Variants in FZD3 observed in about 807,000 individuals in gnomAD.
FZD3 encodes frizzled-3.
A neutral mutation model predicts 60.7 loss-of-function variants in FZD3; 30 were observed. The ratio of observed to expected loss-of-function variants is 0.49; its 90% CI spans 0.37 to 0.67. FZD3 has a LOEUF of 0.67. FZD3 is among the 30% of genes least tolerant of loss of function. The probability of loss-of-function intolerance (pLI) is 0.00; values close to 1 mark genes in which losing one functional copy is unlikely to be tolerated. For missense variants in FZD3, 605 were observed against 838.7 expected (o/e 0.72, Z 3.44); for synonymous variants, 246 against 275.2 (o/e 0.89, Z 1.05).
intron 5 of FZD3, among the ~76,000 whole-genome samples, chr8:28,544,859 C>G (rs1805258505): frequency 6.6e-6 from 1 of 152,092 alleles, no homozygotes; most frequent in Non-Finnish European, 1.5e-5. Context: ...GTTATGGAGG[C>G]TAAGAAGTCC....
intron 6 of FZD3, among the ~76,000 whole-genome samples, chr8:28,553,842 T>C (rs1379288781): frequency 1.3e-5 from 2 of 152,238 alleles, no homozygotes; most frequent in Non-Finnish European, 2.9e-5. Context: ...TACTAATTTA[T>C]TGGGCACATT....
rs1414371180 is a variant in FZD3 at position 28,565,445 on chromosome 8, A to C, written c.*2434A>C. 1.3e-5 allele frequency: 2 copies of C among 152,226 alleles called. No individual in the cohort carries two copies. The highest frequency in any genetic ancestry group is 3.8e-4 in the East Asian group (2 of 5,204). The allele number at this position is 152,226 out of a possible 1,614,324, so 9.4% of individuals were successfully genotyped here. On this transcript the variant is annotated 3_prime_UTR_variant, in exon 8 of 8. Coordinates refer to ENST00000240093, the MANE Select transcript of FZD3 (RefSeq NM_017412.4). ...TGAGAGAACTAAAACAAACATTCAC[A>C]AACAAAAATAAGTTAAAATAGAAGG... is the stretch of plus-strand genomic sequence containing the variant.
intron 7 of FZD3, among the ~76,000 whole-genome samples, chr8:28,557,300 TG>T (rs1805529109): frequency 6.6e-6 from 1 of 151,838 alleles, no homozygotes; most frequent in Admixed American, 6.6e-5. Flanking sequence ...AAATATTTTT[TG>T]GGGTGTTTTT....
Position 28,522,150 on chromosome 8 carries a change from G to T in FZD3, c.386+1316G>T, listed in dbSNP as rs181924011. On this transcript the variant is annotated intron_variant, in intron 4 of 7. Coordinates refer to ENST00000240093, the MANE Select transcript of FZD3 (RefSeq NM_017412.4). ...GATGGAATCTCACTGTGTCCCCTAGGGTGGAGTGCAGTGGCATGATCTTGG... is the reference window on the plus strand; with the variant it reads ...GATGGAATCTCACTGTGTCCCCTAGTGTGGAGTGCAGTGGCATGATCTTGG... 9.5e-5 allele frequency among the ~76,000 whole-genome samples: 14 copies of T among 147,668 alleles called. No homozygotes were observed. The East Asian group carries it at 1.2e-3, about 12-fold the overall frequency.
rs1388919641 is a variant in FZD3 at position 28,569,553 on chromosome 8, C to T, written c.*6542C>T. The T allele has an allele frequency of 6.6e-6, 1 of 151,514 alleles. No homozygotes were observed. Among genetic ancestry groups the T allele is most frequent in the Non-Finnish European group, 1.5e-5 (1 of 67,894 alleles). The allele number at this position is 151,514 out of a possible 1,614,324, so 9.4% of individuals were successfully genotyped here. On this transcript the variant is annotated 3_prime_UTR_variant, in exon 8 of 8. Coordinates refer to ENST00000240093, the MANE Select transcript of FZD3 (RefSeq NM_017412.4). ...CTCATTTTTATTCTTCTTATTCATCCCATGAACTAGATCAACTTGTATTAT... is the reference window on the plus strand; with the variant it reads ...CTCATTTTTATTCTTCTTATTCATCTCATGAACTAGATCAACTTGTATTAT...
intron 4 of FZD3, 39 bp downstream of exon 4, chr8:28,520,873 T>G (rs756456566): frequency 7.5e-7 from 1 of 1,334,488 alleles, no homozygotes; most frequent in South Asian, 1.6e-5. Flanking sequence ...ATTTCTTATG[T>G]TGCAATATGT....
rs1273033210 is a variant in FZD3 at position 28,566,988 on chromosome 8, A to G, written c.*3977A>G. ...AACCCATAAATTATTCTACTTAAAA[A>G]AATTTTTTATAGAGACAGGGTCTTG... On this transcript the variant is annotated 3_prime_UTR_variant, in exon 8 of 8. Coordinates refer to ENST00000240093, the MANE Select transcript of FZD3 (RefSeq NM_017412.4). The G allele has an allele frequency of 1.3e-5, 2 of 152,122 alleles. No individual in the cohort carries two copies. Among genetic ancestry groups the G allele is most frequent in the Non-Finnish European group, 2.9e-5 (2 of 68,006 alleles). The allele number at this position is 152,122 out of a possible 1,614,324, so 9.4% of individuals were successfully genotyped here. A position where few individuals can be genotyped will look rare whatever the true frequency, so the allele number is the denominator to read the frequency against.
rs1804028089 is a variant in FZD3 at position 28,502,699 on chromosome 8, TCTC to T, written c.-312_-310del. The T allele has an allele frequency of 5.2e-6, 1 of 193,180 alleles. No homozygotes were observed. Among genetic ancestry groups the T allele is most frequent in the Admixed American group, 6.0e-5 (1 of 16,724 alleles). 12.0% of individuals were successfully genotyped at this position (193,180 alleles called of 1,614,324 possible). A position where few individuals can be genotyped will look rare whatever the true frequency, so the allele number is the denominator to read the frequency against. ...TTCAGTTGAAGGAAGAAATAGCTCTTCTCCTAAGATGGAATCTGTGGTTTGGGA... is the reference window on the plus strand; with the variant it reads ...TTCAGTTGAAGGAAGAAATAGCTCTTCTAAGATGGAATCTGTGGTTTGGGA... On this transcript the variant is annotated 5_prime_UTR_variant, in exon 3 of 8. Coordinates refer to ENST00000240093, the MANE Select transcript of FZD3 (RefSeq NM_017412.4).
In FZD3 at chr8:28,502,825, A is replaced by G. The variant is rs577601744; in HGVS notation, c.-189A>G. 3.3e-5 allele frequency: 13 copies of G among 391,566 alleles called. No individual in the cohort carries two copies. In the Admixed American group the frequency reaches 3.9e-4, roughly 12 times the overall value. The allele number at this position is 391,566 out of a possible 1,614,324, so 24.3% of individuals were successfully genotyped here. A position where few individuals can be genotyped will look rare whatever the true frequency, so the allele number is the denominator to read the frequency against. ...TGTCATTTTCCCATATTGTGAAACCAAAAACAAACGCCTTTTGTGAGACCA... is the reference window on the plus strand; with the variant it reads ...TGTCATTTTCCCATATTGTGAAACCGAAAACAAACGCCTTTTGTGAGACCA... On this transcript the variant is annotated 5_prime_UTR_variant, in exon 3 of 8. Transcript: ENST00000240093.
At position 28,565,991 on chromosome 8, in the gene FZD3, A is replaced by G. The variant is rs993682372; in HGVS notation, c.*2980A>G. On this transcript the variant is annotated 3_prime_UTR_variant, in exon 8 of 8. Coordinates refer to ENST00000240093, the MANE Select transcript of FZD3 (RefSeq NM_017412.4). ...ATTTCAGCAACTTTTTTTATTCAAT[A>G]ACTAGACAAAAGATCTAAGATAATA... 1.3e-5 allele frequency: 2 copies of G among 152,118 alleles called. No individual in the cohort carries two copies. The highest frequency in any genetic ancestry group is 2.9e-5 in the Non-Finnish European group (2 of 67,988). 9.4% of individuals were successfully genotyped at this position (152,118 alleles called of 1,614,324 possible).
chr8:28,556,261 AC>A (rs1418139265), intron 7 of FZD3, among the ~76,000 whole-genome samples: 8 of 152,198 alleles, frequency 5.3e-5, no homozygotes, highest in Non-Finnish European at 1.0e-4. Flanking sequence ...AACACCTACT[AC>A]ATCTAGCACT....
At chr8:28,531,139 T>C (rs1445642718) in intron 5 of FZD3, among the ~76,000 whole-genome samples, 2 of 152,118 alleles carry the variant, frequency 1.3e-5, no homozygotes, top group Non-Finnish European at 2.9e-5. Flanking sequence ...TTCCTCTTCT[T>C]CCTCCCTCCC....
chr8:28,505,447 G>A (rs1336328637), intron 3 of FZD3, among the ~76,000 whole-genome samples: 3 of 152,026 alleles, frequency 2.0e-5, no homozygotes, highest in Non-Finnish European at 4.4e-5. Flanking sequence ...AACCTCCCAG[G>A]CTCAGGTGAT....
chr8:28,530,089 C>CTCTG (rs1163002781), intron 5 of FZD3, among the ~76,000 whole-genome samples: 5 of 138,482 alleles, frequency 3.6e-5, no homozygotes, highest in Admixed American at 7.3e-5. Flanking sequence ...TGAAATATAT[C>CTCTG]TGTGTGTGTG....
At chr8:28,552,928 C>T (rs936735101) in intron 6 of FZD3, among the ~76,000 whole-genome samples, 1 of 152,134 alleles carries the variant, frequency 6.6e-6, no homozygotes, top group Admixed American at 6.5e-5. Context: ...GAGCACTACA[C>T]TGAATCTATG....
intron 6 of FZD3, among the ~76,000 whole-genome samples, chr8:28,554,586 G>C (rs1030656956): frequency 6.6e-5 from 10 of 152,070 alleles, no homozygotes; most frequent in Admixed American, 4.6e-4. Flanking sequence ...TAAAACTTTA[G>C]TTTCTTTGTC....
intron 3 of FZD3, among the ~76,000 whole-genome samples, chr8:28,519,999 C>T (rs957184860): frequency 2.6e-5 from 4 of 152,010 alleles, no homozygotes; most frequent in East Asian, 1.9e-4. Context: ...CACTTGAGGT[C>T]GGGAGTTTGA....
chr8:28,497,000 T>C (rs1478098616), intron 1 of FZD3, among the ~76,000 whole-genome samples: 2 of 152,136 alleles, frequency 1.3e-5, no homozygotes, highest in Non-Finnish European at 2.9e-5. Context: ...GTCCAGAATC[T>C]ATCTGTCTCT....
At chr8:28,526,595 G>A (rs536490998) in intron 4 of FZD3, among the ~76,000 whole-genome samples, 17 of 152,148 alleles carry the variant, frequency 1.1e-4, no homozygotes, top group Admixed American at 4.6e-4. Flanking sequence ...GCATATTCAG[G>A]GTTCCAGTAA....
Sources: gnomAD v4.1 joint callset for allele counts (sites outside exome capture counted in the v4.1 genomes callset) on GRCh38, gnomAD v4.1.1 for gene constraint, MANE v1.5 for transcripts, NCBI Gene and HGNC (gene_info 2026-07-23, HGNC 2026-07-21) for gene names.